LOC400499: variants seen among roughly 807,000 people sequenced by gnomAD.
chr16:11,518,944 G>A, the LOC400499 span: 6 of 398,908 alleles, frequency 1.5e-5, no homozygotes, highest in Non-Finnish European at 2.7e-5. Flanking sequence ...TGGCCCCCAG[G>A]ATGGATGTCA....
At chr16:11,423,182 G>A in the LOC400499 span, 4 of 399,214 alleles carry the variant, frequency 1.0e-5, no homozygotes, top group Non-Finnish European at 1.8e-5. Flanking sequence ...CCCATACCTC[G>A]AGAGGCTGCC....
chr16:11,442,069 A>T, the LOC400499 span: 1 of 152,210 alleles, frequency 6.6e-6, no homozygotes, highest in Non-Finnish European at 1.5e-5. Context: ...GTGTTGACTG[A>T]GAAGTTAAAA....
At chr16:11,490,880 G>A in the LOC400499 span, among the ~76,000 whole-genome samples, 8 of 152,210 alleles carry the variant, frequency 5.3e-5, no homozygotes, top group African/African-American at 1.9e-4. Context: ...CTGGGGGGAA[G>A]AGGAAGGAAG....
the LOC400499 span, among the ~76,000 whole-genome samples, chr16:11,386,330 T>A: frequency 3.9e-5 from 6 of 152,202 alleles, no homozygotes; most frequent in African/African-American, 1.2e-4. Context: ...AGTCCCAGCA[T>A]CCTGAGGGAG....
At chr16:11,439,837 G>C in the LOC400499 span, among the ~76,000 whole-genome samples, 2 of 152,074 alleles carry the variant, frequency 1.3e-5, no homozygotes, top group East Asian at 3.9e-4. Context: ...CATGTTGCCT[G>C]TTCATGCCTC....
chr16:11,385,616 T>A, the LOC400499 span, among the ~76,000 whole-genome samples: 1 of 152,220 alleles, frequency 6.6e-6, no homozygotes, highest in African/African-American at 2.4e-5. Flanking sequence ...GCTGAAGGTC[T>A]ACTGGCAATT....
chr16:11,396,212 G>A, the LOC400499 span, among the ~76,000 whole-genome samples: 4 of 152,228 alleles, frequency 2.6e-5, no homozygotes, highest in East Asian at 7.7e-4. Context: ...GAGGCAGCTA[G>A]GCTGGGATTC....
At chr16:11,480,051 A>C in the LOC400499 span, among the ~76,000 whole-genome samples, 1 of 152,192 alleles carries the variant, frequency 6.6e-6, no homozygotes, top group Admixed American at 6.5e-5. Context: ...AACAAGGGGC[A>C]ACAAGGAACC....
chr16:11,487,609 C>T, the LOC400499 span, among the ~76,000 whole-genome samples: 1 of 152,156 alleles, frequency 6.6e-6, no homozygotes, highest in South Asian at 2.1e-4. Flanking sequence ...AGAGGAGGTG[C>T]CCAGAGCACC....
At chr16:11,513,049 G>A in the LOC400499 span, among the ~76,000 whole-genome samples, 183 of 152,276 alleles carry the variant, frequency 1.2e-3, no homozygotes, top group African/African-American at 3.9e-3. Flanking sequence ...CTCACTCACC[G>A]TGTGACCTTG....
the LOC400499 span, among the ~76,000 whole-genome samples, chr16:11,492,968 T>G: frequency 8.5e-5 from 13 of 152,120 alleles, no homozygotes; most frequent in African/African-American, 3.1e-4. Flanking sequence ...CCTGGGGACA[T>G]CTGGAGGAAA....
At chr16:11,398,496 G>C in the LOC400499 span, 1 of 1,232,262 alleles carries the variant, frequency 8.1e-7, no homozygotes, top group Non-Finnish European at 1.0e-6. Context: ...GTCTGGCTGA[G>C]ATGGCCAATG....
At chr16:11,401,687 G>T in the LOC400499 span, among the ~76,000 whole-genome samples, 23,737 of 152,202 alleles carry the variant, frequency 0.16, 2,188 homozygotes, top group Non-Finnish European at 0.22. Flanking sequence ...TGTGGCCCCG[G>T]GCAGGTCACT....
At chr16:11,384,185 G>A in the LOC400499 span, 15 of 1,222,154 alleles carry the variant, frequency 1.2e-5, no homozygotes, top group Non-Finnish European at 1.5e-5. Context: ...AACCTCAGCT[G>A]GAAGCAGGAC....
chr16:11,443,774 C>T, the LOC400499 span, among the ~76,000 whole-genome samples: 3 of 152,094 alleles, frequency 2.0e-5, no homozygotes, highest in African/African-American at 7.2e-5. Context: ...ACAAGTTTCA[C>T]CCCTAGGGAG....
the LOC400499 span, among the ~76,000 whole-genome samples, chr16:11,498,523 T>C: frequency 8.3e-6 from 1 of 119,892 alleles, no homozygotes; most frequent in East Asian, 2.5e-4. Context: ...ATAAATAAAA[T>C]TAATCCGAAA....
At chr16:11,490,250 G>C in the LOC400499 span, among the ~76,000 whole-genome samples, 2 of 152,068 alleles carry the variant, frequency 1.3e-5, no homozygotes, top group South Asian at 2.1e-4. Flanking sequence ...ACAAAAATTA[G>C]CCGGGCATGG....
the LOC400499 span, chr16:11,414,492 G>C: frequency 2.0e-5 from 8 of 399,932 alleles, no homozygotes; most frequent in African/African-American, 8.2e-5. Flanking sequence ...GGGCCACCCT[G>C]GCCTGGGTCT....
At chr16:11,421,991 T>C in the LOC400499 span, among the ~76,000 whole-genome samples, 5 of 152,226 alleles carry the variant, frequency 3.3e-5, 1 homozygote, top group East Asian at 7.7e-4. Context: ...GTTTGAGACG[T>C]GGCAAACACT....
Sources: gnomAD v4.1 joint callset for allele counts (sites outside exome capture counted in the v4.1 genomes callset) on GRCh38, gnomAD v4.1.1 for gene constraint, MANE v1.5 for transcripts.